Variants in ZNF518A observed in about 807,000 individuals in gnomAD.
The protein encoded by ZNF518A is zinc finger protein 518.
In ZNF518A, 47 loss-of-function variants were observed where a neutral mutation model predicts 102.7. The ratio of observed to expected loss-of-function variants is 0.46; its 90% CI spans 0.36 to 0.58. ZNF518A has a LOEUF of 0.58. Ranked by LOEUF, ZNF518A falls within the 20% of genes least tolerant of loss-of-function variation. ZNF518A has a pLI of 0.00. For synonymous variants in ZNF518A, 652 were observed against 594.6 expected, an observed-to-expected ratio of 1.10 and a Z score of -1.40; for missense variants, 1,793 against 1,699.8, an observed-to-expected ratio of 1.05 and a Z score of -0.96.
At chr10:96,185,628 A>T (rs1330741200) in intron 1 of ZNF518A, among the ~76,000 whole-genome samples, 3 of 152,184 alleles carry the variant, frequency 2.0e-5, no homozygotes, top group African/African-American at 7.2e-5. Flanking sequence ...CCTGGGTATC[A>T]CCAGCAGAGG....
chr10:96,182,172 T>A (rs587746469), intron 1 of ZNF518A, among the ~76,000 whole-genome samples: 1 of 152,342 alleles, frequency 6.6e-6, no homozygotes, highest in East Asian at 1.9e-4. Flanking sequence ...TTTTTGCACA[T>A]TGATTTTGTA....
chr10:96,166,378 C>G (rs2083140478), downstream of ZNF518A, among the ~76,000 whole-genome samples: 1 of 152,188 alleles, frequency 6.6e-6, no homozygotes, highest in Non-Finnish European at 1.5e-5. Context: ...TTATTTGTAA[C>G]AGACTTCAGA....
At chr10:96,154,591 G>A (rs1450520763) in intron 3 of ZNF518A, among the ~76,000 whole-genome samples, 3 of 151,942 alleles carry the variant, frequency 2.0e-5, no homozygotes, top group African/African-American at 7.3e-5. Flanking sequence ...TAGTCATTCT[G>A]AAATCATCTG....
chr10:96,145,719 G>A (rs890000380), intron 3 of ZNF518A, among the ~76,000 whole-genome samples: 2 of 152,124 alleles, frequency 1.3e-5, no homozygotes, highest in South Asian at 2.1e-4. Context: ...TTTTATACTG[G>A]CAGCAAGTAT....
At chr10:96,188,739 A>T (rs1167902813) in intron 1 of ZNF518A, among the ~76,000 whole-genome samples, 1 of 152,190 alleles carries the variant, frequency 6.6e-6, no homozygotes, top group African/African-American at 2.4e-5. Flanking sequence ...AAATTTCCCA[A>T]ACCCCTATAT....
chr10:96,204,507 G>T, downstream of ZNF518A: 1 of 1,609,058 alleles, frequency 6.2e-7, no homozygotes, highest in South Asian at 1.1e-5. Flanking sequence ...AGAGGAAACT[G>T]ATCTTTAAAG....
intron 3 of ZNF518A, among the ~76,000 whole-genome samples, chr10:96,137,779 A>G (rs1273580686): frequency 6.6e-6 from 1 of 152,178 alleles, no homozygotes; most frequent in Non-Finnish European, 1.5e-5. Flanking sequence ...GAAAGTACAT[A>G]TGTACATATA....
At chr10:96,180,857 C>T (rs1222448408) in intron 1 of ZNF518A, among the ~76,000 whole-genome samples, 1 of 152,150 alleles carries the variant, frequency 6.6e-6, no homozygotes, top group Non-Finnish European at 1.5e-5. Context: ...TGGGTATATA[C>T]CCAGTAATGT....
rs782428168 is a variant in ZNF518A at position 96,156,873 on chromosome 10, A to G, written c.551A>G (p.Asn184Ser). The G allele has an allele frequency of 1.5e-5, 24 of 1,613,860 alleles. 1 individual carries two copies. The highest frequency in any genetic ancestry group is 1.6e-4 in the Middle Eastern group (1 of 6,062). Residue 184 changes from asparagine to serine, a missense_variant, in exon 6 of 6, where the codon AAT becomes AGT. This residue lies in a region of ZNF518A where 1,741 missense variants were observed against 1,622.6 expected (regional missense o/e 1.07). Coordinates refer to ENST00000316045, the MANE Select transcript of ZNF518A (RefSeq NM_001330736.2). ...TTAGTAAAATGTGACATTTGTAACA[A>G]TGAGAGTGTATATACTTTACTGAAC... ...STLVKCDICN[N>S]ESVYTLLNLT...
upstream of ZNF518A, chr10:96,129,987 T>G (rs2081237430): frequency 6.6e-6 from 1 of 152,656 alleles, no homozygotes; most frequent in African/African-American, 2.4e-5. Context: ...CTTCCGCTTG[T>G]CTCAGGTAAA....
In ZNF518A at chr10:96,190,548, C is replaced by T. The variant is rs587754733; in HGVS notation, n.36-13026C>T. 3.9e-5 allele frequency among the ~76,000 whole-genome samples: 6 copies of T among 152,322 alleles called. No homozygotes were observed. In the East Asian group the frequency reaches 9.6e-4, roughly 24 times the overall value. On this transcript the variant is annotated intron_variant and non_coding_transcript_variant, in intron 1 of 2. Coordinates refer to the ZNF518A transcript ENST00000442635. ...GAGGGGACCACAGTTCAATCTGTAA[C>T]ATAGGTGGCAATTATGAAAGTTTAT...
At chr10:96,204,700 C>A (rs114356183), downstream of ZNF518A, 38 of 1,293,164 alleles carry the variant, frequency 2.9e-5, no homozygotes, top group Non-Finnish European at 4.0e-5. Flanking sequence ...CTGAGAAGAA[C>A]CAAATTTGAT....
chr10:96,164,450 G>C (rs897703815), downstream of ZNF518A, among the ~76,000 whole-genome samples: 10 of 141,538 alleles, frequency 7.1e-5, no homozygotes, highest in African/African-American at 2.5e-4. Context: ...AGTTAGCAGA[G>C]TATGGCATTA....
intron 3 of ZNF518A, among the ~76,000 whole-genome samples, chr10:96,137,837 A>G (rs1370339631): frequency 6.6e-6 from 1 of 152,166 alleles, no homozygotes; most frequent in Admixed American, 6.5e-5. Flanking sequence ...AGCCCTCTGT[A>G]TTCTATATCC....
rs115861730 is a variant in ZNF518A, at chr10:96,176,188, C to T, written n.35+20141C>T. On this transcript the variant is annotated intron_variant and non_coding_transcript_variant, in intron 1 of 2. Transcript: ENST00000442635. ...TCAAGTGATCCTCCTGCCTTGGCTT[C>T]CCAAAGCAATGTTATAGATGTGAGC... Among the ~76,000 whole-genome samples, 358 of 152,102 alleles carry T rather than the reference C, an allele frequency of 2.4e-3. 1 individual carries two copies. Among genetic ancestry groups the T allele is most frequent in the African/African-American group, 7.7e-3 (320 of 41,474 alleles).
chr10:96,170,607 AT>A (rs1334877991), intron 1 of ZNF518A, among the ~76,000 whole-genome samples: 1 of 152,188 alleles, frequency 6.6e-6, no homozygotes, highest in Non-Finnish European at 1.5e-5. Context: ...AAAGCTTTTG[AT>A]TAGTTTAAAA....
chr10:96,155,249 A>G (rs2082645819), intron 3 of ZNF518A, 77 bp from the exon 4 acceptor site: 2 of 152,200 alleles, frequency 1.3e-5, no homozygotes, highest in Non-Finnish European at 2.9e-5. Context: ...ATTTTTACAT[A>G]TATTTTCTCA....
intron 1 of ZNF518A, among the ~76,000 whole-genome samples, chr10:96,178,018 A>G (rs1183419495): frequency 6.6e-6 from 1 of 152,262 alleles, no homozygotes; most frequent in African/African-American, 2.4e-5. Flanking sequence ...CAAATCTACA[A>G]TTATAGTTAG....
chr10:96,150,335 GAAA>G (rs72116620), intron 3 of ZNF518A, among the ~76,000 whole-genome samples: 1 of 136,400 alleles, frequency 7.3e-6, no homozygotes, highest in Non-Finnish European at 1.6e-5. Flanking sequence ...CTCCATTTCG[GAAA>G]AAAAAAAAAA....
Sources: gnomAD v4.1 joint callset for allele counts (sites outside exome capture counted in the v4.1 genomes callset) on GRCh38, gnomAD v4.1.1 for gene constraint, gnomAD v4.1.1 regional missense constraint, MANE v1.5 for transcripts, NCBI Gene and HGNC (gene_info 2026-07-23, HGNC 2026-07-21) for gene names.